The following FIGN variants were observed in gnomAD, a reference collection of about 807,000 sequenced individuals.
FIGN encodes fidgetin, microtubule severing factor, also known as fidgetin.
Under a neutral mutation model 51.3 loss-of-function variants are expected in FIGN, and 11 were observed. The ratio of observed to expected loss-of-function variants is 0.21; its 90% confidence interval spans 0.13 to 0.35. The LOEUF (loss-of-function observed/expected upper bound fraction) is 0.35. FIGN is among the 10% of genes least tolerant of loss of function. The pLI, the probability that FIGN is intolerant of heterozygous loss-of-function variation, is 1.00. For synonymous variants in FIGN, 407 were observed against 363.2 expected (o/e 1.12, Z -1.37); for missense variants, 857 against 943.6 (o/e 0.91, Z 1.20).
intron 2 of FIGN, among the ~76,000 whole-genome samples, chr2:163,699,492 A>G (rs1684374636): frequency 1.6e-5 from 1 of 64,000 alleles, no homozygotes; most frequent in Non-Finnish European, 3.6e-5. Context: ...TGTATTTTCA[A>G]ATGTAGAGCA....
chr2:163,639,224 G>A (rs146055377), intron 2 of FIGN, among the ~76,000 whole-genome samples: 1 of 152,086 alleles, frequency 6.6e-6, no homozygotes, highest in Admixed American at 6.5e-5. Flanking sequence ...TTTTTCCTAT[G>A]ACTGGCCTAA....
At position 163,672,851 on chromosome 2, in the gene FIGN, C is replaced by G. The variant is rs1683899652; in HGVS notation, c.26-61045G>C. 1.3e-5 allele frequency among the ~76,000 whole-genome samples: 2 copies of G among 152,294 alleles called. 1 individual carries two copies. Among genetic ancestry groups the G allele is most frequent in the South Asian group, 4.1e-4 (2 of 4,828 alleles). On this transcript the variant is annotated intron_variant, in intron 2 of 2. Coordinates refer to ENST00000333129, the MANE Select transcript of FIGN (RefSeq NM_018086.4). ...AGACACACATGCACACTCTGACTTA[C>G]TCTCTCTTATTTTGCACATTTATTT...
At chr2:163,657,130 A>C (rs1051415749) in intron 2 of FIGN, among the ~76,000 whole-genome samples, 1 of 151,744 alleles carries the variant, frequency 6.6e-6, no homozygotes, top group African/African-American at 2.4e-5. Context: ...AAAAAAAAAA[A>C]CAGAAATGGT....
intron 2 of FIGN, among the ~76,000 whole-genome samples, chr2:163,619,546 C>T (rs946360440): frequency 5.3e-5 from 8 of 152,014 alleles, no homozygotes; most frequent in African/African-American, 9.7e-5. Flanking sequence ...CCAAGTGTAA[C>T]GGTGACTATT....
chr2:163,644,271 A>T (rs1054732889), intron 2 of FIGN, among the ~76,000 whole-genome samples: 4 of 152,184 alleles, frequency 2.6e-5, no homozygotes, highest in African/African-American at 9.6e-5. Context: ...AATTGGCATT[A>T]ATTTGAATAG....
intron 2 of FIGN, among the ~76,000 whole-genome samples, chr2:163,717,555 G>A (rs1035635857): frequency 2.0e-5 from 3 of 152,062 alleles, no homozygotes; most frequent in Admixed American, 1.3e-4. Context: ...TAACACCTCT[G>A]AGGGCTTTCA....
At chr2:163,707,467 A>C (rs2105354532) in intron 2 of FIGN, among the ~76,000 whole-genome samples, 1 of 152,296 alleles carries the variant, frequency 6.6e-6, no homozygotes, top group East Asian at 1.9e-4. Flanking sequence ...GTAGTGACAA[A>C]ACAGAAACAA....
At chr2:163,621,351 T>G (rs959878168) in intron 2 of FIGN, among the ~76,000 whole-genome samples, 1 of 152,140 alleles carries the variant, frequency 6.6e-6, no homozygotes, top group Non-Finnish European at 1.5e-5. Flanking sequence ...CGAAAAAAAA[T>G]TCTATAGTCA....
At chr2:163,727,443 T>A (rs1295875196) in intron 2 of FIGN, among the ~76,000 whole-genome samples, 1 of 152,096 alleles carries the variant, frequency 6.6e-6, no homozygotes, top group East Asian at 1.9e-4. Context: ...GGGACACTGT[T>A]ATAATAGTTA....
chr2:163,653,998 A>G (rs1229647607), intron 2 of FIGN, among the ~76,000 whole-genome samples: 1 of 152,152 alleles, frequency 6.6e-6, no homozygotes, highest in Non-Finnish European at 1.5e-5. Context: ...GCAAAGCGCT[A>G]ATATGAATAT....
rs1375612289 is a variant in FIGN, at chr2:163,603,859, G to C, written c.*5693C>G. On this transcript the variant is annotated 3_prime_UTR_variant, in exon 3 of 3. Transcript: ENST00000333129. ...TATAGAGCTGGTGAAGAAAAAGAAC[G>C]AATGCTAAAATAAATAGTATAATAT... 1 of 152,042 alleles carries C rather than the reference G, an allele frequency of 6.6e-6. No individual in the cohort carries two copies. Among genetic ancestry groups the C allele is most frequent in the African/African-American group, 2.4e-5 (1 of 41,412 alleles). The allele number at this position is 152,042 out of a possible 1,614,324, so 9.4% of individuals were successfully genotyped here. A position where few individuals can be genotyped will look rare whatever the true frequency, so the allele number is the denominator to read the frequency against.
At chr2:163,718,834 A>AGAGAGC (rs1235062047) in intron 2 of FIGN, among the ~76,000 whole-genome samples, 8 of 128,924 alleles carry the variant, frequency 6.2e-5, no homozygotes, top group Non-Finnish European at 9.8e-5. Flanking sequence ...TATAAGACAG[A>AGAGAGC]GAGAGTGAGA....
intron 2 of FIGN, among the ~76,000 whole-genome samples, chr2:163,673,907 A>G (rs1683918485): frequency 6.6e-6 from 1 of 152,176 alleles, no homozygotes; most frequent in Admixed American, 6.5e-5. Flanking sequence ...ACCTCTTAAA[A>G]TGATATGAAT....
chr2:163,709,412 TAAAGTAC>T (rs1373828786), intron 2 of FIGN, among the ~76,000 whole-genome samples: 1 of 152,112 alleles, frequency 6.6e-6, no homozygotes, highest in African/African-American at 2.4e-5. Flanking sequence ...AGCTGAAATA[TAAAGTAC>T]AAAAGAGTTC....
At chr2:163,618,427 A>T (rs1199067472) in intron 2 of FIGN, among the ~76,000 whole-genome samples, 2 of 142,904 alleles carry the variant, frequency 1.4e-5, no homozygotes, top group East Asian at 2.0e-4. Context: ...TTTTTTTTTT[A>T]AACAATTATG....
intron 2 of FIGN, among the ~76,000 whole-genome samples, chr2:163,627,980 T>C (rs979612319): frequency 1.3e-5 from 2 of 152,136 alleles, no homozygotes; most frequent in African/African-American, 2.4e-5. Context: ...AGTCTCAAAA[T>C]TAGAATACAA....
At chr2:163,689,723 A>T (rs772284367) in intron 2 of FIGN, among the ~76,000 whole-genome samples, 2 of 152,166 alleles carry the variant, frequency 1.3e-5, no homozygotes, top group Non-Finnish European at 2.9e-5. Flanking sequence ...GTTAGGCAAC[A>T]TAAAAATATA....
chr2:163,695,593 C>A (rs532433805), intron 2 of FIGN, among the ~76,000 whole-genome samples: 2 of 152,242 alleles, frequency 1.3e-5, no homozygotes, highest in African/African-American at 4.8e-5. Context: ...CAGCACACAT[C>A]TGAAAATGAA....
At position 163,611,058 on chromosome 2, in the gene FIGN, C is replaced by T. The variant is rs746496951; in HGVS notation, c.774G>A (p.Val258=). Residue 258 remains valine (V), a synonymous_variant, in exon 3 of 3, where the codon GTG becomes GTA. Transcript: ENST00000333129. ...PSASYPPQTA[V]GSGYSPGGAP... ...CCCCCCCAGGGCTGTACCCAGACCC[C>T]ACAGCAGTCTGAGGAGGATAGCTAG... 6.2e-6 allele frequency: 10 copies of T among 1,613,850 alleles called. No homozygotes were observed. Among genetic ancestry groups the T allele is most frequent in the South Asian group, 4.4e-5 (4 of 91,082 alleles).
Sources: allele counts gnomAD v4.1 joint callset (sites outside exome capture counted in the v4.1 genomes callset), GRCh38; gene constraint gnomAD v4.1.1; transcripts MANE v1.5; gene names NCBI Gene and HGNC (gene_info 2026-07-23, HGNC 2026-07-21).